The following GUCY2D variants were observed in gnomAD, a reference collection of about 807,000 sequenced individuals.
GUCY2D encodes the protein retinal guanylyl cyclase 1.
GUCY2D carries 70 observed loss-of-function variants against 101.3 expected under a neutral mutation model. That is an observed-to-expected ratio of 0.69 (90% confidence interval 0.57 to 0.84). The LOEUF (loss-of-function observed/expected upper bound fraction) is 0.84. Ranked by LOEUF, GUCY2D falls within the 40% of genes least tolerant of loss-of-function variation. The pLI is 0.00. For synonymous variants in GUCY2D, 688 were observed against 670.7 expected (o/e 1.03, Z -0.40); for missense variants, 1,460 against 1,542.5 (o/e 0.95, Z 0.90).
Position 8,003,867 on chromosome 17 carries a change from T to C in GUCY2D, c.737T>C (p.Met246Thr), listed in dbSNP as rs1317367755. Residue 246 changes from methionine (M) to threonine (T), a missense_variant, in exon 3 of 20, where the codon ATG becomes ACG. Met to Thr is a moderately conservative substitution (Grantham distance 81). Transcript: ENST00000254854. ...GPRVTAVIMV[M>T]HSVLLGGEEQ... is the part of the protein sequence containing the mutation. Reference sequence around the variant, plus strand: ...CTGTCCGCAGCAGTGATCATGGTGATGCACTCGGTGCTGCTGGGTGGCGAG... The same window carrying C: ...CTGTCCGCAGCAGTGATCATGGTGACGCACTCGGTGCTGCTGGGTGGCGAG... The C allele has an allele frequency of 1.2e-6, 2 of 1,612,480 alleles. No homozygotes were observed. Among genetic ancestry groups the C allele is most frequent in the Middle Eastern group, 1.6e-4 (1 of 6,084 alleles).
chr17:8,013,548 G>A lies in GUCY2D; in HGVS notation c.2263+296G>A, dbSNP rs998741799. ...CTGTTCTCAGGGGTCCCTGGGAGGA[G>A]CAGGGGAGGGGGAGTGGGTGCATCC... On this transcript the variant is annotated intron_variant, in intron 11 of 19. Transcript: ENST00000254854. This position sits in a 1 kb window ranked among gnomAD's most constrained non-coding sequence, Gnocchi z 5.0. 6 of 574,696 alleles carry A rather than the reference G, an allele frequency of 1.0e-5. No individual in the cohort carries two copies. In the East Asian group the frequency reaches 1.8e-4, roughly 17 times the overall value. 35.6% of individuals were successfully genotyped at this position (574,696 alleles called of 1,614,324 possible).
At chr17:8,018,174 T>C (rs1226760010) in intron 19 of GUCY2D, among the ~76,000 whole-genome samples, 1 of 152,006 alleles carries the variant, frequency 6.6e-6, no homozygotes, top group Non-Finnish European at 1.5e-5. Flanking sequence ...CCACCAGAGG[T>C]AGTGAGTGTC....
intron 19 of GUCY2D, among the ~76,000 whole-genome samples, chr17:8,018,969 T>C (rs191818936): frequency 1.1e-4 from 16 of 152,320 alleles, no homozygotes; most frequent in Admixed American, 7.2e-4. Context: ...GAAGGTGATG[T>C]TGCTACAGAG....
rs1457493139 is a variant in GUCY2D, at chr17:8,006,722, C to T, written c.1378+8C>T. The T allele has an allele frequency of 6.3e-7, 1 of 1,589,046 alleles. No homozygotes were observed. The highest frequency in any genetic ancestry group is 8.6e-7 in the Non-Finnish European group (1 of 1,165,140). ...ACAACATCTGCGGTGGAGGTGAGGG[C>T]GAGCACCCCAGTCCCCACTGAGACA... On this transcript the variant is annotated splice_region_variant and intron_variant, in intron 4 of 19. Coordinates refer to ENST00000254854, the MANE Select transcript of GUCY2D (RefSeq NM_000180.4).
chr17:8,015,516 C>T lies in GUCY2D; in HGVS notation c.2944+14C>T, dbSNP rs1438385579. The T allele has an allele frequency of 6.2e-7, 1 of 1,605,196 alleles. No individual in the cohort carries two copies. Among genetic ancestry groups the T allele is most frequent in the East Asian group, 2.2e-5 (1 of 44,726 alleles). ...GCCTGCACTCGGGTAACTCCCGGGT[C>T]TTCCCAGGCTCCAGCCCATCTCCCT... is the stretch of plus-strand genomic sequence containing the variant. On this transcript the variant is annotated intron_variant, in intron 15 of 19. Coordinates refer to ENST00000254854, the MANE Select transcript of GUCY2D (RefSeq NM_000180.4).
chr17:8,007,334 C>A, intron 5 of GUCY2D, 92 bp from the exon 6 acceptor site: 1 of 996,904 alleles, frequency 1.0e-6, no homozygotes, highest in Non-Finnish European at 1.6e-6. Context: ...GACCCCTCCC[C>A]TGAGCCAACG....
At chr17:8,017,425 G>A (rs1439384967) in intron 19 of GUCY2D, among the ~76,000 whole-genome samples, 1 of 152,190 alleles carries the variant, frequency 6.6e-6, no homozygotes, top group Non-Finnish European at 1.5e-5. Flanking sequence ...CACCAGAGCA[G>A]GGTTTGTCAC....
chr17:8,006,921 G>A (rs1011054095), intron 4 of GUCY2D, 139 bp from the exon 5 acceptor site: 8 of 832,410 alleles, frequency 9.6e-6, no homozygotes, highest in African/African-American at 1.7e-5. Flanking sequence ...TCCCCTTTGA[G>A]GAACTATGAC....
intron 3 of GUCY2D, among the ~76,000 whole-genome samples, chr17:8,004,990 G>C (rs188779114): frequency 6.6e-6 from 1 of 152,074 alleles, no homozygotes; most frequent in Non-Finnish European, 1.5e-5. Flanking sequence ...TGGAGGGAGG[G>C]TCGGTCAGTG....
In GUCY2D at chr17:8,014,621, C is replaced by T; in HGVS notation, c.2433C>T (p.Gly811=). The change falls in exon 13 of 20, where the codon GGC becomes GGT. Residue 811 remains glycine, a synonymous_variant. Transcript: ENST00000254854. The surrounding 1 kb of genome is among the most constrained non-coding windows in gnomAD (Gnocchi z 4.0). ...GCTAGTTCAAGAACATCAACAAGGG[C>T]CGGAAGACGAACATCATTGACTCGA... is the stretch of plus-strand genomic sequence containing the variant. ...TFDLFKNINK[G]RKTNIIDSML... 1 of 1,614,102 alleles carries T rather than the reference C, an allele frequency of 6.2e-7. No individual in the cohort carries two copies. Among genetic ancestry groups the T allele is most frequent in the Non-Finnish European group, 8.5e-7 (1 of 1,179,992 alleles).
chr17:8,002,943 T>C lies in GUCY2D; in HGVS notation c.-9-96T>C. 2 of 939,194 alleles carry C rather than the reference T, an allele frequency of 2.1e-6. No individual in the cohort carries two copies. The highest frequency in any genetic ancestry group is 3.1e-6 in the Non-Finnish European group (2 of 635,742). The allele number at this position is 939,194 out of a possible 1,614,324, so 58.2% of individuals were successfully genotyped here. Reference sequence around the variant, plus strand: ...GGGCGGTAGCAGCAGAATCATCCCATGGGTTACTCGGGCTTGGAGAAACTC... The same window carrying C: ...GGGCGGTAGCAGCAGAATCATCCCACGGGTTACTCGGGCTTGGAGAAACTC... On this transcript the variant is annotated intron_variant, in intron 1 of 19. Transcript: ENST00000254854. This position sits in a 1 kb window ranked among gnomAD's most constrained non-coding sequence, Gnocchi z 4.9.
rs1300514080 is a variant in GUCY2D at position 8,003,309 on chromosome 17, C to A, written c.262C>A (p.Pro88Thr). 7.4e-6 allele frequency: 11 copies of A among 1,485,228 alleles called. No individual in the cohort carries two copies. The highest frequency in any genetic ancestry group is 9.8e-6 in the Non-Finnish European group (11 of 1,124,506). 92.0% of individuals were successfully genotyped at this position (1,485,228 alleles called of 1,614,324 possible). A position where few individuals can be genotyped will look rare whatever the true frequency, so the allele number is the denominator to read the frequency against. The change falls in exon 2 of 20, where the codon CCC becomes ACC. Residue 88 changes from proline (P) to threonine (T), a missense_variant. This residue lies in a region of GUCY2D where 1,196 missense variants were observed against 1,229.6 expected (regional missense o/e 0.97). Transcript: ENST00000254854. ...GGCCGCCGCCCGCCTGAACCGCGAC[C>A]CCGGCCTGGCAGGCGGTCCCCGCTT... ...RLAAARLNRD[P>T]GLAGGPRFEV...
Position 8,014,593 on chromosome 17 carries a change from A to G in GUCY2D, c.2413-8A>G. On this transcript the variant is annotated splice_polypyrimidine_tract_variant and splice_region_variant and intron_variant, in intron 12 of 19. Coordinates refer to ENST00000254854, the MANE Select transcript of GUCY2D (RefSeq NM_000180.4). This position sits in a 1 kb window ranked among gnomAD's most constrained non-coding sequence, Gnocchi z 4.0. ...TCAGCAGCTTTACCAGCTTCCTTCT[A>G]CTGCTAGTTCAAGAACATCAACAAG... The G allele has an allele frequency of 1.9e-6, 3 of 1,614,030 alleles. No individual in the cohort carries two copies. The highest frequency in any genetic ancestry group is 2.5e-6 in the Non-Finnish European group (3 of 1,179,916).
At chr17:8,015,135 G>T in intron 14 of GUCY2D, 84 bp downstream of exon 14, 1 of 1,218,470 alleles carries the variant, frequency 8.2e-7, no homozygotes. Flanking sequence ...GCAGCCCCTA[G>T]CCTACCTGCC....
chr17:8,015,455 G>T lies in GUCY2D; in HGVS notation c.2897G>T (p.Arg966Leu), dbSNP rs1417190573. Residue 966 changes from arginine (R) to leucine (L), a missense_variant, in exon 15 of 20, where the codon CGC (arginine) becomes CTC (leucine). This residue lies in a region of GUCY2D where 215 missense variants were observed against 227.9 expected (regional missense o/e 0.94). Transcript: ENST00000254854. ...AGTGCCGTGGGCACTTTCCGCATGC[G>T]CCATATGCCTGAGGTTCCCGTGCGC... The part of the protein sequence containing the change: ...ILSAVGTFRM[R>L]HMPEVPVRIR... The T allele has an allele frequency of 6.2e-7, 1 of 1,613,634 alleles. No homozygotes were observed. The highest frequency in any genetic ancestry group is 1.7e-5 in the Admixed American group (1 of 60,022).
In GUCY2D at chr17:8,006,357, C is replaced by T; in HGVS notation, c.1027-6C>T. 4 of 1,598,434 alleles carry T rather than the reference C, an allele frequency of 2.5e-6. No individual in the cohort carries two copies. The highest frequency in any genetic ancestry group is 3.4e-6 in the Non-Finnish European group (4 of 1,178,534). On this transcript the variant is annotated splice_polypyrimidine_tract_variant and splice_region_variant and intron_variant, in intron 3 of 19. Transcript: ENST00000254854. ...CGACCTCTGAGCCCCTACTCTCCTT[C>T]TCCAGGTCTCCCCACTCTTTGGCAC... is the stretch of plus-strand genomic sequence containing the variant.
Position 8,013,195 on chromosome 17 carries a change from A to C in GUCY2D, c.2206A>C (p.Met736Leu). The C allele has an allele frequency of 6.2e-7, 1 of 1,614,140 alleles. No individual in the cohort carries two copies. The highest frequency in any genetic ancestry group is 1.1e-5 in the South Asian group (1 of 91,076). The change falls in exon 11 of 20, where the codon ATG becomes CTG. Residue 736 changes from methionine to leucine, a missense_variant. Physicochemically the swap from Met to Leu is conservative, Grantham distance 15 (BLOSUM62 2). Transcript: ENST00000254854. This position sits in a 1 kb window ranked among gnomAD's most constrained non-coding sequence, Gnocchi z 5.0. Reference protein sequence around the residue: ...AGDVFSLAIIMQEVVCRSAPY... With the variant: ...AGDVFSLAIILQEVVCRSAPY... Reference sequence around the variant, plus strand: ...CGACGTCTTTAGCTTGGCCATCATCATGCAAGAAGTAGTGTGCCGCAGTGC... The same window carrying C: ...CGACGTCTTTAGCTTGGCCATCATCCTGCAAGAAGTAGTGTGCCGCAGTGC...
In GUCY2D at chr17:8,003,643, G is replaced by T. The variant is rs1370721862; in HGVS notation, c.596G>T (p.Arg199Leu). Residue 199 changes from arginine to leucine, a missense_variant, in exon 2 of 20, where the codon CGC becomes CTC. Around this residue, in one of 3 missense-constraint regions of GUCY2D, gnomAD observed 1,196 missense variants for 1,229.6 expected, o/e 0.97. Coordinates refer to ENST00000254854, the MANE Select transcript of GUCY2D (RefSeq NM_000180.4). The part of the protein sequence containing the change: ...APQDLWVEAG[R>L]SLSTALRARG... ...CAGGACCTGTGGGTGGAGGCGGGAC[G>T]CTCACTGTCCACGGCACTCAGGGCC... The T allele has an allele frequency of 4.4e-6, 7 of 1,593,852 alleles. No individual in the cohort carries two copies. Among genetic ancestry groups the T allele is most frequent in the Non-Finnish European group, 5.9e-6 (7 of 1,177,222 alleles).
At chr17:8,019,066 GCA>G (rs200855025) in intron 19 of GUCY2D, among the ~76,000 whole-genome samples, 1 of 152,000 alleles carries the variant, frequency 6.6e-6, no homozygotes, top group Non-Finnish European at 1.5e-5. Flanking sequence ...ACCCGGGCAT[GCA>G]CACACACACA....
Sources: allele counts gnomAD v4.1 joint callset (sites outside exome capture counted in the v4.1 genomes callset), GRCh38; gene constraint gnomAD v4.1.1; regional missense constraint gnomAD v4.1.1; non-coding constraint Gnocchi (gnomAD v3.1); transcripts MANE v1.5; gene names NCBI Gene and HGNC (gene_info 2026-07-23, HGNC 2026-07-21).